KIF6: variants seen among roughly 807,000 people sequenced by gnomAD.
The protein encoded by KIF6 is kinesin family member 6.
KIF6 carries 106 observed loss-of-function variants against 112.7 expected under a neutral mutation model. The observed-to-expected ratio is 0.94, with a 90% confidence interval of 0.80 to 1.11. The LOEUF is 1.11. KIF6 is among the 50% of genes least tolerant of loss of function. The pLI is 0.00. For missense variants in KIF6, 929 were observed against 964.0 expected, an observed-to-expected ratio of 0.96 and a Z score of 0.48; for synonymous variants, 339 against 339.9, an observed-to-expected ratio of 1.00 and a Z score of 0.03.
At chr6:39,430,408 C>T (rs959094552) in intron 14 of KIF6, among the ~76,000 whole-genome samples, 6 of 152,060 alleles carry the variant, frequency 3.9e-5, no homozygotes, top group African/African-American at 1.4e-4. Flanking sequence ...GAGAGTTCAC[C>T]CTTTCTTCTG....
chr6:39,677,778 C>T (rs1286672293), intron 3 of KIF6, among the ~76,000 whole-genome samples: 11 of 125,146 alleles, frequency 8.8e-5, no homozygotes, highest in African/African-American at 2.7e-4. Flanking sequence ...TGAGAATATG[C>T]GGTGTTTGGT....
Position 39,635,058 on chromosome 6 carries a change from T to C in KIF6, c.400-100A>G. The C allele has an allele frequency of 5.8e-6, 4 of 688,362 alleles. No homozygotes were observed. The Middle Eastern group carries it at 1.1e-3, about 195-fold the overall frequency. The allele number at this position is 688,362 out of a possible 1,614,324, so 42.6% of individuals were successfully genotyped here. A position where few individuals can be genotyped will look rare whatever the true frequency, so the allele number is the denominator to read the frequency against. ...GCACTCAGTTTCCTCATAGTTTCTC[T>C]CTTTTTCTCTCACTTTATATGGTTT... On this transcript the variant is annotated intron_variant, in intron 4 of 22. Coordinates refer to ENST00000287152, the MANE Select transcript of KIF6 (RefSeq NM_145027.6).
At chr6:39,566,613 T>A (rs1009521166) in intron 10 of KIF6, among the ~76,000 whole-genome samples, 15 of 152,244 alleles carry the variant, frequency 9.9e-5, no homozygotes, top group Non-Finnish European at 2.2e-4. Flanking sequence ...AAATGACTAA[T>A]TAACAGTATG....
At chr6:39,546,079 T>C (rs769432442) in intron 10 of KIF6, among the ~76,000 whole-genome samples, 28 of 152,210 alleles carry the variant, frequency 1.8e-4, no homozygotes, top group Non-Finnish European at 2.4e-4. Context: ...ACCTCAGTGA[T>C]ACCCCACTAT....
At chr6:39,672,413 A>G (rs865850349) in intron 3 of KIF6, among the ~76,000 whole-genome samples, 15 of 152,232 alleles carry the variant, frequency 9.9e-5, no homozygotes, top group Admixed American at 3.9e-4. Context: ...TACTAATAAT[A>G]TAACAATTAT....
intron 13 of KIF6, among the ~76,000 whole-genome samples, chr6:39,523,937 CAATG>C (rs1234143324): frequency 6.6e-6 from 1 of 151,778 alleles, no homozygotes; most frequent in African/African-American, 2.4e-5. Context: ...AATTTTTATT[CAATG>C]AATGAATAGG....
chr6:39,525,692 T>G (rs1174583415), intron 13 of KIF6, among the ~76,000 whole-genome samples: 1 of 152,026 alleles, frequency 6.6e-6, no homozygotes, highest in Non-Finnish European at 1.5e-5. Flanking sequence ...AGGCGGAAGT[T>G]GCAGCAGGAG....
intron 3 of KIF6, among the ~76,000 whole-genome samples, chr6:39,668,141 C>G (rs1223456433): frequency 6.6e-6 from 1 of 152,202 alleles, no homozygotes; most frequent in Non-Finnish European, 1.5e-5. Flanking sequence ...CCCTGTACAG[C>G]CTGCAGAACT....
Position 39,634,971 on chromosome 6 carries a change from G to A in KIF6, c.400-13C>T. ...TTTTGCTGCTGTCCTGATTGGAAAA[G>A]GGAAAGGTATTATTTATCGGTTATA... On this transcript the variant is annotated splice_polypyrimidine_tract_variant and intron_variant, in intron 4 of 22. Coordinates refer to ENST00000287152, the MANE Select transcript of KIF6 (RefSeq NM_145027.6). 3 of 1,379,970 alleles carry A rather than the reference G, an allele frequency of 2.2e-6. No homozygotes were observed. Among genetic ancestry groups the A allele is most frequent in the Non-Finnish European group, 3.1e-6 (3 of 967,146 alleles). The allele number at this position is 1,379,970 out of a possible 1,614,324, so 85.5% of individuals were successfully genotyped here. A position where few individuals can be genotyped will look rare whatever the true frequency, so the allele number is the denominator to read the frequency against.
chr6:39,484,837 C>T (rs1056902145), intron 13 of KIF6, among the ~76,000 whole-genome samples: 4 of 152,138 alleles, frequency 2.6e-5, no homozygotes, highest in African/African-American at 9.7e-5. Context: ...AGTGGAGCCA[C>T]TTAGATGGGA....
intron 13 of KIF6, among the ~76,000 whole-genome samples, chr6:39,525,471 T>C (rs187749114): frequency 7.9e-5 from 12 of 152,318 alleles, no homozygotes; most frequent in Admixed American, 3.3e-4. Context: ...TAGAGCCTTT[T>C]AGGCTGGGTG....
At chr6:39,362,402 C>T (rs1441254633) in intron 17 of KIF6, 32 bp downstream of exon 17, 2 of 1,558,060 alleles carry the variant, frequency 1.3e-6, no homozygotes, top group South Asian at 1.1e-5. Flanking sequence ...GGAGGCTGGG[C>T]TCGGACTGTG....
intron 2 of KIF6, among the ~76,000 whole-genome samples, chr6:39,716,297 A>G (rs1789846680): frequency 7.2e-5 from 1 of 13,884 alleles, no homozygotes; most frequent in Non-Finnish European, 2.3e-4. Flanking sequence ...ATATCTATAA[A>G]GGATATTGAA....
chr6:39,456,723 A>G (rs1406414085), intron 13 of KIF6, among the ~76,000 whole-genome samples: 1 of 81,578 alleles, frequency 1.2e-5, no homozygotes, highest in African/African-American at 7.5e-5. Flanking sequence ...TTGCAATCCT[A>G]GTCTCTGATA....
chr6:39,432,559 C>T (rs977116346), intron 13 of KIF6, among the ~76,000 whole-genome samples: 2 of 152,174 alleles, frequency 1.3e-5, no homozygotes, highest in African/African-American at 2.4e-5. Context: ...CACAAAAATA[C>T]ACCCCACCCT....
intron 22 of KIF6, among the ~76,000 whole-genome samples, chr6:39,337,636 C>T (rs543090629): frequency 6.6e-6 from 1 of 152,150 alleles, no homozygotes; most frequent in East Asian, 1.9e-4. Flanking sequence ...CATTGATGCT[C>T]CTACCTAATC....
chr6:39,417,223 C>CACGTG (rs1769985954), intron 15 of KIF6, among the ~76,000 whole-genome samples: 2 of 152,182 alleles, frequency 1.3e-5, no homozygotes, highest in African/African-American at 4.8e-5. Context: ...GCAGGCTACT[C>CACGTG]CCTGAGGTCA....
chr6:39,409,678 C>T (rs1769340578), intron 15 of KIF6, among the ~76,000 whole-genome samples: 1 of 152,202 alleles, frequency 6.6e-6, no homozygotes, highest in Non-Finnish European at 1.5e-5. Context: ...GATCATGTTA[C>T]CACATGAAGC....
At chr6:39,500,563 T>C (rs1292959806) in intron 13 of KIF6, among the ~76,000 whole-genome samples, 1 of 152,134 alleles carries the variant, frequency 6.6e-6, no homozygotes, top group African/African-American at 2.4e-5. Context: ...TACTTACTAA[T>C]GTTACAATCT....
Sources: allele counts gnomAD v4.1 joint callset (sites outside exome capture counted in the v4.1 genomes callset), GRCh38; gene constraint gnomAD v4.1.1; transcripts MANE v1.5; gene names NCBI Gene and HGNC (gene_info 2026-07-23, HGNC 2026-07-21).